DIAPH2: variants seen among roughly 807,000 people sequenced by gnomAD.
DIAPH2 encodes the protein diaphanous related formin 2.
In DIAPH2, 35 loss-of-function variants were observed where a neutral mutation model predicts 92.7. The ratio of observed to expected loss-of-function variants is 0.38; its 90% CI spans 0.29 to 0.50. DIAPH2 has a LOEUF of 0.50. DIAPH2 is among the 20% of genes least tolerant of loss of function. The probability of loss-of-function intolerance (pLI) is 0.94; values close to 1 mark genes in which losing one functional copy is unlikely to be tolerated. For missense variants in DIAPH2, 701 were observed against 819.5 expected, an observed-to-expected ratio of 0.86 and a Z score of 1.77; for synonymous variants, 301 against 280.4, an observed-to-expected ratio of 1.07 and a Z score of -0.73.
intron 23 of DIAPH2, among the ~76,000 whole-genome samples, chrX:97,312,345 C>CATTTTTTTTTTTT (rs202046146): frequency 1.8e-5 from 1 of 54,945 alleles, no homozygotes. Context: ...CAATAGAATC[C>CATTTTTTTTTTTT]TTTTTTTTTT....
At chrX:97,263,411 T>C (rs1202433455) in intron 23 of DIAPH2, among the ~76,000 whole-genome samples, 1 of 111,453 alleles carries the variant, frequency 9.0e-6, no homozygotes, top group African/African-American at 3.3e-5. Flanking sequence ...CATTAACCAT[T>C]TGAATGCTAG....
intron 4 of DIAPH2, among the ~76,000 whole-genome samples, chrX:96,870,894 GTAT>G (rs1440771392): frequency 8.9e-6 from 1 of 111,926 alleles, no homozygotes; most frequent in East Asian, 2.8e-4. Context: ...ATCTGCAAAA[GTAT>G]TATTAAACTT....
At chrX:97,021,709 T>C (rs2066299550) in intron 17 of DIAPH2, among the ~76,000 whole-genome samples, 1 of 111,655 alleles carries the variant, frequency 9.0e-6, no homozygotes, top group African/African-American at 3.3e-5. Context: ...ATAGAAATGA[T>C]TAGGGAAAAT....
intron 4 of DIAPH2, among the ~76,000 whole-genome samples, chrX:96,869,286 G>A (rs768414643): frequency 9.1e-5 from 10 of 110,417 alleles, no homozygotes; most frequent in Admixed American, 2.9e-4. Context: ...TTCTCAGGCC[G>A]GACGTGGTAG....
chrX:97,311,373 C>T (rs2068792338), intron 23 of DIAPH2, among the ~76,000 whole-genome samples: 1 of 111,513 alleles, frequency 9.0e-6, no homozygotes, highest in African/African-American at 3.3e-5. Context: ...AGGACAGTTG[C>T]AATAAAGAAA....
chrX:97,369,064 C>A (rs1316682971), intron 24 of DIAPH2, among the ~76,000 whole-genome samples: 2 of 109,700 alleles, frequency 1.8e-5, no homozygotes, highest in Non-Finnish European at 3.8e-5. Flanking sequence ...TGCACAACCA[C>A]GCCTGGCTGA....
chrX:97,053,173 A>G (rs1431723973), intron 17 of DIAPH2, among the ~76,000 whole-genome samples: 1 of 111,098 alleles, frequency 9.0e-6, no homozygotes, highest in African/African-American at 3.3e-5. Flanking sequence ...CTATTGCCCC[A>G]TACTTGAGGC....
chrX:96,941,548 G>C (rs938866553), intron 12 of DIAPH2, among the ~76,000 whole-genome samples: 1 of 111,134 alleles, frequency 9.0e-6, no homozygotes, highest in Non-Finnish European at 1.9e-5. Context: ...TTTGTAAGCT[G>C]TTATAGCTAT....
At position 97,602,379 on chromosome X, in the gene DIAPH2, C is replaced by T. The variant is rs1043436886; in HGVS notation, c.*3062C>T. On this transcript the variant is annotated 3_prime_UTR_variant, in exon 27 of 27. Coordinates refer to ENST00000324765, the MANE Select transcript of DIAPH2 (RefSeq NM_006729.5). ...AGTGAAACTCTGGGTATGGTCTTTC[C>T]TGAGGCCAAATTCCTCTTCCTCTGA... 1 of 112,440 alleles carries T rather than the reference C, an allele frequency of 8.9e-6. No individual in the cohort carries two copies. Among genetic ancestry groups the T allele is most frequent in the African/African-American group, 3.2e-5 (1 of 30,931 alleles). 9.3% of individuals were successfully genotyped at this position (112,440 alleles called of 1,213,427 possible). A position where few individuals can be genotyped will look rare whatever the true frequency, so the allele number is the denominator to read the frequency against.
At chrX:97,570,094 AT>A (rs2071355273) in intron 26 of DIAPH2, among the ~76,000 whole-genome samples, 1 of 29,013 alleles carries the variant, frequency 3.4e-5, no homozygotes, top group Non-Finnish European at 6.4e-5. Flanking sequence ...ATATATATAT[AT>A]ATATATATAT....
chrX:97,231,546 AT>A (rs1165337322), intron 22 of DIAPH2, among the ~76,000 whole-genome samples: 1 of 111,678 alleles, frequency 9.0e-6, no homozygotes, highest in Non-Finnish European at 1.9e-5. Flanking sequence ...CATGTAACTT[AT>A]GAATTCAATG....
intron 17 of DIAPH2, among the ~76,000 whole-genome samples, chrX:97,007,131 A>G (rs926118933): frequency 3.6e-5 from 4 of 111,419 alleles, no homozygotes; most frequent in Non-Finnish European, 7.5e-5. Flanking sequence ...TTATTGTACT[A>G]TGTCTTGAAA....
At chrX:97,131,212 G>T (rs995759369) in intron 21 of DIAPH2, among the ~76,000 whole-genome samples, 1 of 111,512 alleles carries the variant, frequency 9.0e-6, no homozygotes, top group East Asian at 2.8e-4. Flanking sequence ...TATTGAAAAT[G>T]TTCGATGAGA....
chrX:97,435,256 A>C (rs988412277), intron 26 of DIAPH2, among the ~76,000 whole-genome samples: 1 of 111,825 alleles, frequency 8.9e-6, no homozygotes, highest in Non-Finnish European at 1.9e-5. Context: ...ATAGGGAAAG[A>C]TCATATTCAT....
At chrX:97,179,413 A>G (rs757734326) in intron 22 of DIAPH2, among the ~76,000 whole-genome samples, 1 of 109,691 alleles carries the variant, frequency 9.1e-6, no homozygotes, top group Non-Finnish European at 1.9e-5. Flanking sequence ...CCCTGTGTCC[A>G]TGAGTTCTCA....
intron 26 of DIAPH2, among the ~76,000 whole-genome samples, chrX:97,457,193 G>A (rs1455812410): frequency 9.0e-6 from 1 of 111,112 alleles, no homozygotes. Flanking sequence ...GCTAATTATT[G>A]TGTTTTTAGT....
chrX:96,931,210 T>G (rs1234850232), intron 10 of DIAPH2, among the ~76,000 whole-genome samples: 1 of 111,700 alleles, frequency 9.0e-6, no homozygotes, highest in Non-Finnish European at 1.9e-5. Flanking sequence ...TTCATTGGTA[T>G]TCAGGATAAG....
intron 22 of DIAPH2, among the ~76,000 whole-genome samples, chrX:97,182,776 T>C (rs1391354160): frequency 9.0e-6 from 1 of 111,094 alleles, no homozygotes; most frequent in Non-Finnish European, 1.9e-5. Flanking sequence ...TGGGGAGAAA[T>C]TATTTTTGAA....
At chrX:97,452,730 A>T (rs2070369346) in intron 26 of DIAPH2, among the ~76,000 whole-genome samples, 1 of 112,503 alleles carries the variant, frequency 8.9e-6, no homozygotes, top group African/African-American at 3.2e-5. Context: ...CACAAAATAC[A>T]ATGGACGTAG....
Sources: allele counts gnomAD v4.1 joint callset (sites outside exome capture counted in the v4.1 genomes callset), GRCh38; gene constraint gnomAD v4.1.1; transcripts MANE v1.5; gene names NCBI Gene and HGNC (gene_info 2026-07-23, HGNC 2026-07-21).